Variants in MYO18B observed in about 807,000 individuals in gnomAD.
MYO18B encodes myosin XVIIIB.
Under a neutral mutation model 273.0 loss-of-function variants are expected in MYO18B, and 204 were observed. The observed-to-expected ratio is 0.75, with a 90% CI of 0.67 to 0.84. The LOEUF (loss-of-function observed/expected upper bound fraction) is 0.84, where lower values mean the gene tolerates loss of function less well. Ranked by LOEUF, MYO18B falls within the 40% of genes least tolerant of loss-of-function variation. The pLI, the probability that MYO18B is intolerant of heterozygous loss-of-function variation, is 0.00. For synonymous variants in MYO18B, 1,330 were observed against 1,305.7 expected, an observed-to-expected ratio of 1.02 and a Z score of -0.40; for missense variants, 3,212 against 3,287.6, an observed-to-expected ratio of 0.98 and a Z score of 0.56.
At chr22:25,791,040 T>C (rs1159508228) in intron 11 of MYO18B, among the ~76,000 whole-genome samples, 2 of 152,206 alleles carry the variant, frequency 1.3e-5, no homozygotes, top group East Asian at 1.9e-4. Context: ...TTATTGATCT[T>C]ATTAGATGCC....
intron 21 of MYO18B, among the ~76,000 whole-genome samples, chr22:25,867,153 T>G (rs987041171): frequency 6.6e-6 from 1 of 152,178 alleles, no homozygotes; most frequent in African/African-American, 2.4e-5. Flanking sequence ...AAAGTTAATC[T>G]TAACCATTTT....
intron 34 of MYO18B, among the ~76,000 whole-genome samples, chr22:25,935,995 CACG>C (rs1458905439): frequency 6.6e-6 from 1 of 152,196 alleles, no homozygotes; most frequent in Non-Finnish European, 1.5e-5. Flanking sequence ...TCTCTCAGTA[CACG>C]ACATGTGTCG....
intron 11 of MYO18B, among the ~76,000 whole-genome samples, chr22:25,788,667 G>T (rs755120570): frequency 1.3e-5 from 2 of 152,076 alleles, no homozygotes; most frequent in Non-Finnish European, 2.9e-5. Context: ...ATTTTCTTTG[G>T]CAACTCTACA....
At chr22:25,948,129 C>T (rs2092736499) in intron 36 of MYO18B, among the ~76,000 whole-genome samples, 1 of 152,116 alleles carries the variant, frequency 6.6e-6, no homozygotes, top group Non-Finnish European at 1.5e-5. Context: ...CACCCATTCA[C>T]TTTTCCACCC....
chr22:25,963,499 G>A (rs913146623), intron 39 of MYO18B, among the ~76,000 whole-genome samples: 1 of 148,100 alleles, frequency 6.8e-6, no homozygotes, highest in African/African-American at 2.5e-5. Flanking sequence ...CTGTCTCCAT[G>A]TGTCCTCAAG....
At chr22:25,885,814 A>G (rs537201023) in intron 25 of MYO18B, among the ~76,000 whole-genome samples, 1 of 152,314 alleles carries the variant, frequency 6.6e-6, no homozygotes, top group Non-Finnish European at 1.5e-5. Context: ...CTGAAAGGCC[A>G]TAACTGTCCC....
chr22:25,930,748 A>T (rs556990289), intron 34 of MYO18B, among the ~76,000 whole-genome samples: 1 of 152,212 alleles, frequency 6.6e-6, no homozygotes, highest in South Asian at 2.1e-4. Flanking sequence ...TGCAGGGACT[A>T]CAGGCCACAT....
At chr22:25,997,588 A>G (rs2146880098) in intron 40 of MYO18B, among the ~76,000 whole-genome samples, 1 of 152,294 alleles carries the variant, frequency 6.6e-6, no homozygotes, top group South Asian at 2.1e-4. Flanking sequence ...GAAATGGGGA[A>G]ACTGGGGGAA....
intron 39 of MYO18B, 85 bp from the exon 40 acceptor site, chr22:25,992,278 C>T (rs1389052083): frequency 1.3e-6 from 2 of 1,551,168 alleles, no homozygotes; most frequent in Non-Finnish European, 1.8e-6. Flanking sequence ...TAGGCTCAGC[C>T]TGGGGCGTGT....
rs188743001 is a variant in MYO18B at position 25,785,532 on chromosome 22, T to C, written c.2376+41T>C. 413 of 1,593,828 alleles carry C rather than the reference T, an allele frequency of 2.6e-4. 2 individuals carry two copies. The East Asian group carries it at 3.2e-3, about 12-fold the overall frequency. ...CTCACGGGTGGGATGTGAGTCTGTG[T>C]CTGGGGCTAGATGGGAGGGTGATGA... is the stretch of plus-strand genomic sequence containing the variant. On this transcript the variant is annotated intron_variant, in intron 11 of 43. Transcript: ENST00000335473.
chr22:25,781,604 C>T (rs1397663700), intron 9 of MYO18B, 130 bp from the exon 10 acceptor site: 12 of 281,110 alleles, frequency 4.3e-5, no homozygotes, highest in South Asian at 6.7e-5. Context: ...AGCGAGACTC[C>T]GTCTCAAAAA....
At chr22:25,750,190 G>A (rs1314437564) in intron 1 of MYO18B, among the ~76,000 whole-genome samples, 1 of 152,214 alleles carries the variant, frequency 6.6e-6, no homozygotes, top group Non-Finnish European at 1.5e-5. Context: ...GCCGCAACAG[G>A]AGAGGGGAGA....
intron 11 of MYO18B, among the ~76,000 whole-genome samples, chr22:25,790,356 T>C (rs546962870): frequency 6.6e-6 from 1 of 152,378 alleles, no homozygotes; most frequent in African/African-American, 2.4e-5. Context: ...TTAAACCTTT[T>C]TGTGGTTCTT....
intron 20 of MYO18B, among the ~76,000 whole-genome samples, chr22:25,848,275 G>T (rs73169001): frequency 0.019 from 2,933 of 152,264 alleles, 43 homozygotes; most frequent in Middle Eastern, 0.054. Context: ...AGCACCCAGG[G>T]ATACGGGAGG....
At chr22:25,956,937 T>G (rs1344307226) in intron 39 of MYO18B, among the ~76,000 whole-genome samples, 2 of 152,174 alleles carry the variant, frequency 1.3e-5, no homozygotes, top group East Asian at 3.8e-4. Context: ...AAGCTGGCTG[T>G]CTGGTTCTTC....
At chr22:25,889,389 T>C (rs1346344504) in intron 25 of MYO18B, among the ~76,000 whole-genome samples, 1 of 151,996 alleles carries the variant, frequency 6.6e-6, no homozygotes, top group African/African-American at 2.4e-5. Context: ...GATGAAAGAG[T>C]GAGGCATTCT....
At chr22:25,862,101 A>G (rs1487333647) in intron 21 of MYO18B, among the ~76,000 whole-genome samples, 3 of 152,200 alleles carry the variant, frequency 2.0e-5, no homozygotes, top group African/African-American at 7.2e-5. Flanking sequence ...GGCATTTTAC[A>G]TTCTATTAGG....
intron 21 of MYO18B, 29 bp from the exon 22 acceptor site, chr22:25,868,291 G>A (rs772489869): frequency 6.3e-6 from 10 of 1,575,942 alleles, no homozygotes; most frequent in Non-Finnish European, 8.6e-6. Context: ...CTTCTATGCT[G>A]TCTAACTTCT....
chr22:25,921,994 C>G (rs2092354862), intron 34 of MYO18B, among the ~76,000 whole-genome samples: 1 of 152,136 alleles, frequency 6.6e-6, no homozygotes, highest in Non-Finnish European at 1.5e-5. Context: ...TGATATTGAT[C>G]AAGGCATGAT....
Sources: gnomAD v4.1 joint callset for allele counts (sites outside exome capture counted in the v4.1 genomes callset) on GRCh38, gnomAD v4.1.1 for gene constraint, MANE v1.5 for transcripts, NCBI Gene and HGNC (gene_info 2026-07-23, HGNC 2026-07-21) for gene names.